GRIN2B: variants seen among roughly 807,000 people sequenced by gnomAD.
The protein encoded by GRIN2B is glutamate receptor ionotropic, NMDA 2B.
A neutral mutation model predicts 114.5 loss-of-function variants in GRIN2B; 5 were observed. The observed-to-expected ratio is 0.04, with a 90% CI of 0.02 to 0.09. GRIN2B has a LOEUF of 0.09. Among genes scored for constraint, GRIN2B ranks in the 10% least tolerant of loss-of-function variants. The pLI is 1.00. For missense variants in GRIN2B, 1,108 were observed against 1,943.5 expected, an observed-to-expected ratio of 0.57 and a Z score of 8.08; for synonymous variants, 787 against 745.1, an observed-to-expected ratio of 1.06 and a Z score of -0.92.
intron 5 of GRIN2B, among the ~76,000 whole-genome samples, chr12:13,621,998 G>A (rs937494329): frequency 1.3e-5 from 2 of 151,882 alleles, no homozygotes; most frequent in Non-Finnish European, 2.9e-5. Context: ...GCAGAAGGGC[G>A]AATGTGTCAT....
At chr12:13,949,774 C>T (rs947323266) in intron 2 of GRIN2B, among the ~76,000 whole-genome samples, 1 of 152,134 alleles carries the variant, frequency 6.6e-6, no homozygotes, top group Non-Finnish European at 1.5e-5. Flanking sequence ...GAGATGGATA[C>T]AGCCTAAAGG....
At chr12:13,855,793 A>T (rs11833339) in intron 3 of GRIN2B, among the ~76,000 whole-genome samples, 1 of 152,202 alleles carries the variant, frequency 6.6e-6, no homozygotes, top group Admixed American at 6.5e-5. Flanking sequence ...GGTCACATTT[A>T]TGGTTCCAAG....
intron 5 of GRIN2B, among the ~76,000 whole-genome samples, chr12:13,665,580 ACCCAGCTCTGCCACT>A (rs1419317927): frequency 6.6e-6 from 1 of 152,192 alleles, no homozygotes; most frequent in East Asian, 1.9e-4. Flanking sequence ...AAATGTCTAC[ACCCAGCTCTGCCACT>A]CCTTAGCTAT....
intron 10 of GRIN2B, among the ~76,000 whole-genome samples, chr12:13,603,881 G>A (rs964801586): frequency 6.6e-6 from 1 of 151,304 alleles, no homozygotes; most frequent in Admixed American, 6.6e-5. Context: ...GTATAACTTT[G>A]GGGAAGTTAC....
intron 3 of GRIN2B, among the ~76,000 whole-genome samples, chr12:13,797,692 T>G (rs1448189955): frequency 1.3e-5 from 2 of 152,212 alleles, no homozygotes; most frequent in Non-Finnish European, 2.9e-5. Context: ...AGCAAGAGTT[T>G]CATGATCTAT....
intron 4 of GRIN2B, among the ~76,000 whole-genome samples, chr12:13,729,645 A>T (rs1244076194): frequency 1.3e-5 from 2 of 152,140 alleles, no homozygotes; most frequent in Non-Finnish European, 2.9e-5. Context: ...TATCTTGCTC[A>T]TTCGAGAACT....
intron 3 of GRIN2B, among the ~76,000 whole-genome samples, chr12:13,833,487 G>C (rs1394236758): frequency 6.6e-6 from 1 of 152,136 alleles, no homozygotes; most frequent in African/African-American, 2.4e-5. Context: ...CTGAGAATGT[G>C]TTCTGTTACA....
rs1408849600 is a variant in GRIN2B at position 13,837,505 on chromosome 12, CAG to C, written c.411+28291_411+28292del. ...GCGCCCTTCTCAGCCAAGCATTGGA[CAG>C]AGTGTTTAGTGAGGTAAGGCATTTC... On this transcript the variant is annotated intron_variant, in intron 3 of 13. Transcript: ENST00000609686. 3.3e-5 allele frequency among the ~76,000 whole-genome samples: 5 copies of C among 152,300 alleles called. No individual in the cohort carries two copies. In the East Asian group the frequency reaches 9.7e-4, roughly 29 times the overall value.
intron 2 of GRIN2B, among the ~76,000 whole-genome samples, chr12:13,975,533 A>C (rs1863005176): frequency 6.6e-6 from 1 of 152,240 alleles, no homozygotes; most frequent in East Asian, 1.9e-4. Context: ...TGCTTTCTAA[A>C]GTATCACATA....
intron 2 of GRIN2B, among the ~76,000 whole-genome samples, chr12:13,932,719 T>C (rs759028459): frequency 6.6e-6 from 1 of 152,052 alleles, no homozygotes; most frequent in Non-Finnish European, 1.5e-5. Flanking sequence ...ATGGGAAGGA[T>C]CCAGAGAAAT....
chr12:13,575,835 A>G (rs908985241), intron 10 of GRIN2B, among the ~76,000 whole-genome samples: 1 of 152,074 alleles, frequency 6.6e-6, no homozygotes, highest in Non-Finnish European at 1.5e-5. Flanking sequence ...AAATTTATGG[A>G]CCTACCCTCT....
At chr12:13,957,398 A>G (rs1189120140) in intron 2 of GRIN2B, among the ~76,000 whole-genome samples, 1 of 152,196 alleles carries the variant, frequency 6.6e-6, no homozygotes, top group Non-Finnish European at 1.5e-5. Context: ...AGAGGCTTCT[A>G]CCATAAAGCA....
intron 3 of GRIN2B, among the ~76,000 whole-genome samples, chr12:13,803,652 A>C (rs1287216525): frequency 6.6e-6 from 1 of 152,200 alleles, no homozygotes; most frequent in East Asian, 1.9e-4. Context: ...ACTGTAATAA[A>C]ATTTAGGGGA....
In GRIN2B at chr12:13,552,286, C is replaced by T. The variant is rs1286001306; in HGVS notation, c.*10497G>A. On this transcript the variant is annotated 3_prime_UTR_variant, in exon 14 of 14. Coordinates refer to ENST00000609686, the MANE Select transcript of GRIN2B (RefSeq NM_000834.5). The stretch of plus-strand genomic sequence containing the variant: ...TCCTTGTGGATATCAGGACCTCACA[C>T]ATAAGGTTGCATTCAGGTTCCTCAC... 1 of 152,160 alleles carries T rather than the reference C, an allele frequency of 6.6e-6. No homozygotes were observed. Among genetic ancestry groups the T allele is most frequent in the Non-Finnish European group, 1.5e-5 (1 of 68,018 alleles). 9.4% of individuals were successfully genotyped at this position (152,160 alleles called of 1,614,324 possible). A position where few individuals can be genotyped will look rare whatever the true frequency, so the allele number is the denominator to read the frequency against.
chr12:13,686,063 A>G (rs771923040), intron 4 of GRIN2B, among the ~76,000 whole-genome samples: 4 of 152,166 alleles, frequency 2.6e-5, no homozygotes, highest in Non-Finnish European at 5.9e-5. Flanking sequence ...AAAAACCACA[A>G]TGCAAAAGTG....
chr12:13,815,952 T>C (rs527302687), intron 3 of GRIN2B, among the ~76,000 whole-genome samples: 1 of 152,028 alleles, frequency 6.6e-6, no homozygotes, highest in Non-Finnish European at 1.5e-5. Flanking sequence ...ACCAAATACA[T>C]GCACATGTGC....
chr12:13,597,183 G>A (rs956439693), intron 10 of GRIN2B, among the ~76,000 whole-genome samples: 3 of 152,180 alleles, frequency 2.0e-5, no homozygotes, highest in Admixed American at 2.0e-4. Context: ...AAAGTAGTGA[G>A]GCAGGAGAAT....
chr12:13,933,151 C>G (rs1035060889), intron 2 of GRIN2B, among the ~76,000 whole-genome samples: 1 of 152,180 alleles, frequency 6.6e-6, no homozygotes, highest in African/African-American at 2.4e-5. Context: ...TGCTAGTCTC[C>G]AGCCTGTTAG....
Position 13,615,937 on chromosome 12 carries a change from T to C in GRIN2B, c.1329-273A>G, listed in dbSNP as rs527594977. Among the ~76,000 whole-genome samples, 8 of 152,302 alleles carry C rather than the reference T, an allele frequency of 5.3e-5. No individual in the cohort carries two copies. Among genetic ancestry groups the C allele is most frequent in the African/African-American group, 1.7e-4 (7 of 41,570 alleles). On this transcript the variant is annotated intron_variant, in intron 6 of 13. Transcript: ENST00000609686. This position sits in a 1 kb window ranked among gnomAD's most constrained non-coding sequence, Gnocchi z 5.8. ...AAGAAAAGGGTGCATATTTGAAGGC[T>C]TCAGTTCAATGACTTTTCAGACTGA...
Sources: gnomAD v4.1 joint callset for allele counts (sites outside exome capture counted in the v4.1 genomes callset) on GRCh38, gnomAD v4.1.1 for gene constraint, Gnocchi (gnomAD v3.1) non-coding constraint, MANE v1.5 for transcripts, NCBI Gene and HGNC (gene_info 2026-07-23, HGNC 2026-07-21) for gene names.